SV2C: variants seen among roughly 807,000 people sequenced by gnomAD.
SV2C encodes synaptic vesicle glycoprotein 2C, also known as solute carrier family 22 member B3.
SV2C carries 49 observed loss-of-function variants against 79.7 expected under a neutral mutation model. The ratio of observed to expected loss-of-function variants is 0.61; its 90% CI spans 0.49 to 0.78. The LOEUF is 0.78. Among genes scored for constraint, SV2C ranks in the 30% least tolerant of loss-of-function variants. The probability of loss-of-function intolerance (pLI) is 0.00; values close to 1 mark genes in which losing one functional copy is unlikely to be tolerated. For synonymous variants in SV2C, 334 were observed against 333.2 expected (o/e 1.00, Z -0.03); for missense variants, 833 against 912.9 (o/e 0.91, Z 1.13).
chr5:75,952,278 C>A, the SV2C span, among the ~76,000 whole-genome samples: 1 of 131,254 alleles, frequency 7.6e-6, no homozygotes, highest in Non-Finnish European at 1.8e-5. Context: ...TTCCTTCCTT[C>A]CTTCCTTCCT....
chr5:76,250,574 G>A (rs1289827403), intron 4 of SV2C, among the ~76,000 whole-genome samples: 1 of 152,210 alleles, frequency 6.6e-6, no homozygotes, highest in Admixed American at 6.5e-5. Context: ...AACTGCTAGA[G>A]ACACTCTTCC....
chr5:75,910,541 T>C, the SV2C span: 1 of 647,746 alleles, frequency 1.5e-6, no homozygotes, highest in Non-Finnish European at 2.8e-6. Context: ...TTCAAATTGT[T>C]CACCTTTGGT....
At chr5:76,090,000 A>T (rs971224509) in intron 1 of SV2C, among the ~76,000 whole-genome samples, 6 of 152,194 alleles carry the variant, frequency 3.9e-5, no homozygotes, top group African/African-American at 1.4e-4. Flanking sequence ...AAATGAGAGG[A>T]TACCTTTTTG....
chr5:76,065,171 C>T, the SV2C span, among the ~76,000 whole-genome samples: 1 of 152,138 alleles, frequency 6.6e-6, no homozygotes, highest in Non-Finnish European at 1.5e-5. Context: ...ACCTTCAGTG[C>T]ATGTAGCTTC....
chr5:76,026,201 AACACACAC>A, the SV2C span, among the ~76,000 whole-genome samples: 174 of 140,134 alleles, frequency 1.2e-3, 1 homozygote, highest in Admixed American at 4.8e-3. Context: ...CAAATTTACA[AACACACAC>A]ACACACACAC....
At chr5:76,105,011 C>T (rs1416992796) in intron 1 of SV2C, among the ~76,000 whole-genome samples, 1 of 152,068 alleles carries the variant, frequency 6.6e-6, no homozygotes, top group Non-Finnish European at 1.5e-5. Flanking sequence ...CTCCCAGAAC[C>T]TTAGAATGTG....
chr5:76,234,651 A>G (rs1745555316), intron 4 of SV2C, among the ~76,000 whole-genome samples: 1 of 152,230 alleles, frequency 6.6e-6, no homozygotes. Context: ...CCTTAAAAAC[A>G]AGCATTCTGG....
intron 2 of SV2C, among the ~76,000 whole-genome samples, chr5:76,172,243 G>T (rs1743313072): frequency 9.1e-6 from 1 of 110,206 alleles, no homozygotes; most frequent in Non-Finnish European, 2.0e-5. Context: ...GGGAGGTGGG[G>T]GGGTCGGCCC....
At chr5:75,991,503 T>C in the SV2C span, among the ~76,000 whole-genome samples, 5 of 150,198 alleles carry the variant, frequency 3.3e-5, no homozygotes, top group African/African-American at 9.8e-5. Context: ...ATTTGGAGAG[T>C]ACCTATGTAA....
At chr5:75,980,538 C>T in the SV2C span, among the ~76,000 whole-genome samples, 6 of 151,982 alleles carry the variant, frequency 3.9e-5, no homozygotes, top group African/African-American at 7.2e-5. Context: ...GCTTCATCCC[C>T]GGGATACAAG....
chr5:76,285,978 A>C, intron 6 of SV2C, 108 bp downstream of exon 6: 1 of 907,994 alleles, frequency 1.1e-6, no homozygotes, highest in Non-Finnish European at 1.7e-6. Flanking sequence ...GGTCTTTGAC[A>C]CAGCTACTCA....
chr5:76,136,740 G>A (rs1051727998), intron 2 of SV2C, among the ~76,000 whole-genome samples: 3 of 152,124 alleles, frequency 2.0e-5, no homozygotes, highest in African/African-American at 7.2e-5. Flanking sequence ...TATAAACAGG[G>A]TTTTGAGAGC....
At chr5:76,126,160 G>A (rs59098907) in intron 1 of SV2C, among the ~76,000 whole-genome samples, 7,802 of 152,236 alleles carry the variant, frequency 0.051, 587 homozygotes, top group African/African-American at 0.17. Flanking sequence ...ACATGTATTG[G>A]TGAGCATAAT....
chr5:76,316,344 A>T (rs1364552454), intron 12 of SV2C, among the ~76,000 whole-genome samples: 5 of 152,168 alleles, frequency 3.3e-5, no homozygotes, highest in Non-Finnish European at 7.4e-5. Context: ...ATACACCTTC[A>T]TGTCACGTGG....
At chr5:76,014,255 GGAAAGAAAGAAGGAAAGAAA>G in the SV2C span, among the ~76,000 whole-genome samples, 1 of 141,004 alleles carries the variant, frequency 7.1e-6, no homozygotes, top group African/African-American at 2.7e-5. Context: ...AAAGAAGAAA[GGAAAGAAAGAAGGAAAGAAA>G]GAAAGAAAGA....
At chr5:76,285,694 G>T in intron 5 of SV2C, 87 bp from the exon 6 acceptor site, 1 of 1,081,528 alleles carries the variant, frequency 9.2e-7, no homozygotes, top group South Asian at 1.4e-5. Context: ...CACCTCATTT[G>T]ATCTGACAAT....
At chr5:76,216,783 C>T (rs1744917226) in intron 4 of SV2C, among the ~76,000 whole-genome samples, 1 of 152,174 alleles carries the variant, frequency 6.6e-6, no homozygotes, top group African/African-American at 2.4e-5. Flanking sequence ...ATAATCAGGA[C>T]ACATCAGCAT....
chr5:75,955,457 G>A, the SV2C span, among the ~76,000 whole-genome samples: 24 of 150,774 alleles, frequency 1.6e-4, no homozygotes, highest in South Asian at 4.8e-3. Flanking sequence ...AGAAAACTTA[G>A]GCATTACCAT....
chr5:76,131,794 C>T lies in SV2C; in HGVS notation c.44C>T (p.Ala15Val). The part of the protein sequence containing the change: ...YKDRTSLMKG[A>V]KDIAREVKKQ... ...GATAGGACTTCACTGATGAAGGGTGCCAAGGACATTGCCAGAGAGGTGAAG... is the reference window on the plus strand; with the variant it reads ...GATAGGACTTCACTGATGAAGGGTGTCAAGGACATTGCCAGAGAGGTGAAG... Residue 15 changes from alanine (A) to valine (V), a missense_variant, in exon 2 of 13, where the codon GCC (alanine) becomes GTC (valine). Physicochemically the swap from Ala to Val is moderately conservative, Grantham distance 64. Coordinates refer to ENST00000502798, the MANE Select transcript of SV2C (RefSeq NM_014979.4). 1.2e-6 allele frequency: 2 copies of T among 1,613,672 alleles called. No homozygotes were observed. Among genetic ancestry groups the T allele is most frequent in the Non-Finnish European group, 1.7e-6 (2 of 1,179,862 alleles).
Sources: allele counts gnomAD v4.1 joint callset (sites outside exome capture counted in the v4.1 genomes callset), GRCh38; gene constraint gnomAD v4.1.1; transcripts MANE v1.5; gene names NCBI Gene and HGNC (gene_info 2026-07-23, HGNC 2026-07-21).